The following L3MBTL3 variants were observed in gnomAD, a reference collection of about 807,000 sequenced individuals.
L3MBTL3 encodes L3MBTL histone methyl-lysine binding protein 3.
L3MBTL3 carries 27 observed loss-of-function variants against 102.3 expected under a neutral mutation model. The ratio of observed to expected loss-of-function variants is 0.26; its 90% CI spans 0.19 to 0.36. The LOEUF is 0.36. Among genes scored for constraint, L3MBTL3 ranks in the 10% least tolerant of loss-of-function variants. The pLI is 1.00. For synonymous variants in L3MBTL3, 340 were observed against 320.9 expected (o/e 1.06, Z -0.64); for missense variants, 798 against 955.3 (o/e 0.84, Z 2.17).
chr6:130,092,155 A>G (rs1268320059), intron 16 of L3MBTL3, among the ~76,000 whole-genome samples: 2 of 152,188 alleles, frequency 1.3e-5, no homozygotes, highest in East Asian at 3.8e-4. Context: ...ATAAAACAAT[A>G]ATAGAACACA....
rs531122275 is a variant in L3MBTL3, at chr6:130,074,805, C to T, written c.1244+3678C>T. On this transcript the variant is annotated intron_variant, in intron 13 of 22. Coordinates refer to ENST00000361794, the MANE Select transcript of L3MBTL3 (RefSeq NM_032438.4). ...TTTTATTCCATTGTACTTTGGTGTC[C>T]CAGTGGAGTCAGGGCAAAAATTCGT... 2.3e-4 allele frequency among the ~76,000 whole-genome samples: 35 copies of T among 152,096 alleles called. 1 individual carries two copies. The highest frequency in any genetic ancestry group is 7.7e-4 in the African/African-American group (32 of 41,498).
intron 12 of L3MBTL3, chr6:130,070,764 T>C (rs1782579903): frequency 3.2e-6 from 1 of 312,514 alleles, no homozygotes; most frequent in East Asian, 4.3e-5. Flanking sequence ...AGATAGCTAA[T>C]TGGGTGTAAC....
chr6:130,102,206 C>G (rs1784736285), intron 18 of L3MBTL3, among the ~76,000 whole-genome samples: 1 of 152,148 alleles, frequency 6.6e-6, no homozygotes, highest in Non-Finnish European at 1.5e-5. Flanking sequence ...CATCCATCCA[C>G]AGGTCTTCTT....
chr6:130,060,062 T>C lies in L3MBTL3; in HGVS notation c.786T>C (p.Asn262=). Residue 262 remains asparagine (N), a synonymous_variant, in exon 10 of 23, where the codon AAT becomes AAC. Transcript: ENST00000361794. ...ATCAATCCTTTCCATATAACAAAAA[T>C]GGATTCAAAGTTGGCATGAAATTAG... is the stretch of plus-strand genomic sequence containing the variant. The part of the protein sequence containing the change: ...KEHQSFPYNK[N]GFKVGMKLEG... The C allele has an allele frequency of 6.2e-7, 1 of 1,613,120 alleles. No homozygotes were observed. Among genetic ancestry groups the C allele is most frequent in the Non-Finnish European group, 8.5e-7 (1 of 1,179,170 alleles).
At chr6:130,026,810 A>T (rs1779381305) in intron 2 of L3MBTL3, among the ~76,000 whole-genome samples, 1 of 152,164 alleles carries the variant, frequency 6.6e-6, no homozygotes. Context: ...AAATATATAT[A>T]TAAAGCATCA....
intron 10 of L3MBTL3, among the ~76,000 whole-genome samples, chr6:130,063,383 G>A (rs1049239770): frequency 1.3e-5 from 2 of 152,194 alleles, no homozygotes; most frequent in African/African-American, 4.8e-5. Context: ...GAGGGAGTTG[G>A]ACAGGACCAT....
In L3MBTL3 at chr6:130,133,834, T is replaced by C. The variant is rs1435920546; in HGVS notation, c.2137-9T>C. 6.2e-7 allele frequency: 1 copy of C among 1,610,616 alleles called. No individual in the cohort carries two copies. Among genetic ancestry groups the C allele is most frequent in the African/African-American group, 1.3e-5 (1 of 74,870 alleles). Reference sequence around the variant, plus strand: ...TTTTAACTGGGAATTTTGATATTGCTTTTGACAGGTGTCAGAATTTATACA... The same window carrying C: ...TTTTAACTGGGAATTTTGATATTGCCTTTGACAGGTGTCAGAATTTATACA... On this transcript the variant is annotated splice_polypyrimidine_tract_variant and intron_variant, in intron 21 of 22. Transcript: ENST00000361794. The surrounding 1 kb of genome is among the most constrained non-coding windows in gnomAD (Gnocchi z 4.9).
intron 3 of L3MBTL3, among the ~76,000 whole-genome samples, chr6:130,046,442 TTTATTATTAAA>T (rs1438242617): frequency 6.6e-6 from 1 of 152,208 alleles, no homozygotes; most frequent in Non-Finnish European, 1.5e-5. Context: ...CTTCTAATGA[TTTATTATTAAA>T]TCAGGCAAAT....
At chr6:130,019,162 C>G (rs1258016466) in intron 1 of L3MBTL3, among the ~76,000 whole-genome samples, 10 of 151,380 alleles carry the variant, frequency 6.6e-5, no homozygotes, top group African/African-American at 2.2e-4. Flanking sequence ...CCGCGCCCCC[C>G]GAGCTTGTCA....
At chr6:130,038,755 C>T (rs1000585390) in intron 2 of L3MBTL3, among the ~76,000 whole-genome samples, 18 of 152,066 alleles carry the variant, frequency 1.2e-4, no homozygotes, top group Non-Finnish European at 2.4e-4. Flanking sequence ...CATTGCTGTG[C>T]AGAATCGTTT....
intron 22 of L3MBTL3, 78 bp from the exon 23 acceptor site, chr6:130,139,532 G>A (rs1762920759): frequency 1.5e-6 from 2 of 1,332,556 alleles, no homozygotes; most frequent in African/African-American, 2.9e-5. Context: ...GAAGACAGCT[G>A]GTAATTTAAC....
chr6:130,122,407 A>G (rs1465514794), intron 20 of L3MBTL3, among the ~76,000 whole-genome samples: 3 of 152,140 alleles, frequency 2.0e-5, no homozygotes, highest in Non-Finnish European at 4.4e-5. Flanking sequence ...CAGAGTTGGA[A>G]TCTCTGCTCT....
At chr6:130,030,615 C>G (rs540982383) in intron 2 of L3MBTL3, among the ~76,000 whole-genome samples, 1 of 140,634 alleles carries the variant, frequency 7.1e-6, no homozygotes, top group Non-Finnish European at 1.5e-5. Flanking sequence ...TGCAGTGAGC[C>G]GAAATCTTGC....
chr6:130,048,264 C>A (rs942222445), intron 3 of L3MBTL3, among the ~76,000 whole-genome samples: 1 of 152,180 alleles, frequency 6.6e-6, no homozygotes, highest in Admixed American at 6.5e-5. Context: ...TGTGAAAGAT[C>A]TGAAACATCT....
chr6:130,039,003 T>G (rs1584298570), intron 2 of L3MBTL3, among the ~76,000 whole-genome samples: 2 of 151,140 alleles, frequency 1.3e-5, no homozygotes, highest in Non-Finnish European at 3.0e-5. Flanking sequence ...GAAACAGAAG[T>G]TTTTTTTTCC....
chr6:130,054,124 T>A (rs1781300011), intron 7 of L3MBTL3, among the ~76,000 whole-genome samples: 1 of 152,168 alleles, frequency 6.6e-6, no homozygotes, highest in Non-Finnish European at 1.5e-5. Context: ...TATGTGAAGT[T>A]GAGAGTGAGG....
At chr6:130,035,980 TTGTGTGTGTGTGTGTGTGTG>T (rs71709041) in intron 2 of L3MBTL3, among the ~76,000 whole-genome samples, 1 of 149,210 alleles carries the variant, frequency 6.7e-6, no homozygotes. Context: ...CCTACCTGTT[TTGTGTGTGTGTGTGTGTGTG>T]TGTGTGTGTG....
rs117967442 is a variant in L3MBTL3 at position 130,134,086 on chromosome 6, T to A, written c.2199+181T>A. Among the ~76,000 whole-genome samples, 858 of 152,290 alleles carry A rather than the reference T, an allele frequency of 5.6e-3. 8 individuals carry two copies. The highest frequency in any genetic ancestry group is 8.4e-3 in the Non-Finnish European group (570 of 68,022). ...TGTATAAAAATGTCTTTGTATAAGATGAGATGCATAAGAATGTTTGTGAGT... is the reference window on the plus strand; with the variant it reads ...TGTATAAAAATGTCTTTGTATAAGAAGAGATGCATAAGAATGTTTGTGAGT... On this transcript the variant is annotated intron_variant, in intron 22 of 22. Coordinates refer to ENST00000361794, the MANE Select transcript of L3MBTL3 (RefSeq NM_032438.4).
At chr6:130,048,970 A>G (rs974120953) in intron 3 of L3MBTL3, among the ~76,000 whole-genome samples, 2 of 151,856 alleles carry the variant, frequency 1.3e-5, no homozygotes, top group Non-Finnish European at 2.9e-5. Flanking sequence ...ACACACACAC[A>G]TACACACACA....
Sources: gnomAD v4.1 joint callset for allele counts (sites outside exome capture counted in the v4.1 genomes callset) on GRCh38, gnomAD v4.1.1 for gene constraint, Gnocchi (gnomAD v3.1) non-coding constraint, MANE v1.5 for transcripts, NCBI Gene and HGNC (gene_info 2026-07-23, HGNC 2026-07-21) for gene names.